Variants in L3MBTL2 observed in about 807,000 individuals in gnomAD.
L3MBTL2 encodes lethal(3)malignant brain tumor-like protein 2.
Under a neutral mutation model 86.4 loss-of-function variants are expected in L3MBTL2, and 49 were observed. That is an observed-to-expected ratio of 0.57 (90% CI 0.45 to 0.72). The LOEUF is 0.72. Among genes scored for constraint, L3MBTL2 ranks in the 30% least tolerant of loss-of-function variants. The pLI, the probability that L3MBTL2 is intolerant of heterozygous loss-of-function variation, is 0.00. For missense variants in L3MBTL2, 755 were observed against 923.7 expected (o/e 0.82, Z 2.37); for synonymous variants, 336 against 350.6 (o/e 0.96, Z 0.47).
chr22:41,215,234 C>A (rs973144896), intron 3 of L3MBTL2, among the ~76,000 whole-genome samples: 6 of 152,108 alleles, frequency 3.9e-5, no homozygotes, highest in Non-Finnish European at 7.3e-5. Flanking sequence ...GTAGATTTTA[C>A]TTAAGGCACC....
chr22:41,224,302 C>T lies in L3MBTL2; in HGVS notation c.1174+51C>T, dbSNP rs193012370. 35 of 1,472,826 alleles carry T rather than the reference C, an allele frequency of 2.4e-5. No homozygotes were observed. Among genetic ancestry groups the T allele is most frequent in the South Asian group, 1.4e-4 (12 of 84,372 alleles). 91.2% of individuals were successfully genotyped at this position (1,472,826 alleles called of 1,614,324 possible). ...ACTGCATGCTGTGCTTCCCCAGGGA[C>T]GGAGTGGGAGCACCTTCCTACTCGT... On this transcript the variant is annotated intron_variant, in intron 9 of 16. Transcript: ENST00000216237. The surrounding 1 kb of genome is among the most constrained non-coding windows in gnomAD (Gnocchi z 4.9).
At chr22:41,229,509 A>T in intron 15 of L3MBTL2, 31 bp from the exon 16 acceptor site, 1 of 1,599,606 alleles carries the variant, frequency 6.3e-7, no homozygotes, top group Non-Finnish European at 8.6e-7. Flanking sequence ...TACAACCCTA[A>T]TGCTGGGTTT....
chr22:41,225,686 G>T lies in L3MBTL2; in HGVS notation c.1357-108G>T. 1 of 1,209,872 alleles carries T rather than the reference G, an allele frequency of 8.3e-7. No individual in the cohort carries two copies. Among genetic ancestry groups the T allele is most frequent in the South Asian group, 1.5e-5 (1 of 65,550 alleles). The allele number at this position is 1,209,872 out of a possible 1,614,324, so 74.9% of individuals were successfully genotyped here. On this transcript the variant is annotated intron_variant, in intron 11 of 16. Transcript: ENST00000216237. The surrounding 1 kb of genome is among the most constrained non-coding windows in gnomAD (Gnocchi z 4.1). The stretch of plus-strand genomic sequence containing the variant: ...TGTCCTCCAGGAGGGCCATGCCCTA[G>T]ATCCGTTTGGATCCATTTGCCTCGT...
chr22:41,210,631 C>T (rs1315598432), intron 2 of L3MBTL2, among the ~76,000 whole-genome samples: 1 of 151,992 alleles, frequency 6.6e-6, no homozygotes, highest in Non-Finnish European at 1.5e-5. Context: ...GCCAGCCTAA[C>T]TTTTGTATTT....
At chr22:41,215,955 G>A (rs990357167) in intron 3 of L3MBTL2, among the ~76,000 whole-genome samples, 184 bp from the exon 4 acceptor site, 2 of 151,648 alleles carry the variant, frequency 1.3e-5, no homozygotes, top group Non-Finnish European at 2.9e-5. Context: ...CACCCCCGAC[G>A]CTTCCCCACA....
At position 41,230,327 on chromosome 22, in the gene L3MBTL2, C is replaced by A; in HGVS notation, c.*76C>A. The A allele has an allele frequency of 1.8e-6, 2 of 1,083,604 alleles. No homozygotes were observed. The highest frequency in any genetic ancestry group is 2.4e-5 in the East Asian group (1 of 42,112). 67.1% of individuals were successfully genotyped at this position (1,083,604 alleles called of 1,614,324 possible). Reference sequence around the variant, plus strand: ...TCTACCACCACCACCATGCCTCCACCTGACTTTGGCTTGGAGACTGATCCT... The same window carrying A: ...TCTACCACCACCACCATGCCTCCACATGACTTTGGCTTGGAGACTGATCCT... On this transcript the variant is annotated 3_prime_UTR_variant, in exon 17 of 17. Coordinates refer to ENST00000216237, the MANE Select transcript of L3MBTL2 (RefSeq NM_031488.5).
At position 41,229,587 on chromosome 22, in the gene L3MBTL2, A is replaced by G. The variant is rs774830983; in HGVS notation, c.1936A>G (p.Lys646Glu). ...TKTRPLRQGS[K>E]KPLLEDDPQG... ...GACGCGACCCCTCAGACAGGGGTCC[A>G]AGAAGCCCCTGCTGGAGGACGACCC... The change falls in exon 16 of 17, where the codon AAG (lysine) becomes GAG (glutamate). Residue 646 changes from lysine (K) to glutamate (E), a missense_variant. Lys to Glu is a moderately conservative substitution (Grantham distance 56, BLOSUM62 1). Coordinates refer to ENST00000216237, the MANE Select transcript of L3MBTL2 (RefSeq NM_031488.5). 1.2e-6 allele frequency: 2 copies of G among 1,613,668 alleles called. No homozygotes were observed. The highest frequency in any genetic ancestry group is 1.7e-6 in the Non-Finnish European group (2 of 1,179,666).
In L3MBTL2 at chr22:41,205,353, C is replaced by G. The variant is rs772431977; in HGVS notation, c.-10C>G. Reference sequence around the variant, plus strand: ...CTGCACCTGGTGACGCTTGGCGAAACTGAGGTCTCATGGAGAAGCCCCGGA... The same window carrying G: ...CTGCACCTGGTGACGCTTGGCGAAAGTGAGGTCTCATGGAGAAGCCCCGGA... On this transcript the variant is annotated 5_prime_UTR_variant, in exon 1 of 17. Coordinates refer to ENST00000216237, the MANE Select transcript of L3MBTL2 (RefSeq NM_031488.5). The G allele has an allele frequency of 6.2e-7, 1 of 1,614,210 alleles. No individual in the cohort carries two copies. Among genetic ancestry groups the G allele is most frequent in the East Asian group, 2.2e-5 (1 of 44,880 alleles).
intron 8 of L3MBTL2, among the ~76,000 whole-genome samples, chr22:41,223,116 G>A (rs1375451802): frequency 6.6e-6 from 1 of 152,194 alleles, no homozygotes; most frequent in African/African-American, 2.4e-5. Flanking sequence ...GTGTCAGGAC[G>A]TATCCCAAGC....
chr22:41,224,862 A>T lies in L3MBTL2; in HGVS notation c.1251+61A>T. 6.4e-7 allele frequency: 1 copy of T among 1,559,290 alleles called. No individual in the cohort carries two copies. Among genetic ancestry groups the T allele is most frequent in the Non-Finnish European group, 8.8e-7 (1 of 1,130,676 alleles). On this transcript the variant is annotated intron_variant, in intron 10 of 16. Transcript: ENST00000216237. This position sits in a 1 kb window ranked among gnomAD's most constrained non-coding sequence, Gnocchi z 4.9. ...CATGGGTCCATTCCGGGCCTGAGGG[A>T]CCTGGCTCTTCCCCTGGGACCATCC...
intron 1 of L3MBTL2, among the ~76,000 whole-genome samples, chr22:41,206,806 CAAAAAAA>C (rs137931070): frequency 8.7e-6 from 1 of 114,634 alleles, no homozygotes; most frequent in Non-Finnish European, 1.9e-5. Flanking sequence ...GACTGTGTCT[CAAAAAAA>C]AAAAAAAATT....
intron 1 of L3MBTL2, among the ~76,000 whole-genome samples, chr22:41,206,537 G>T (rs770554920): frequency 6.6e-6 from 1 of 151,450 alleles, no homozygotes; most frequent in East Asian, 2.0e-4. Flanking sequence ...GGTGGCTCAC[G>T]CCTGTAATCC....
At chr22:41,216,298 G>A (rs559679859) in intron 4 of L3MBTL2, 36 bp downstream of exon 4, 37 of 1,600,122 alleles carry the variant, frequency 2.3e-5, no homozygotes, top group Middle Eastern at 1.7e-4. Context: ...GGAAGCTGCC[G>A]TGGCTGGGGA....
chr22:41,220,957 C>A, intron 7 of L3MBTL2, 89 bp downstream of exon 7: 1 of 1,440,080 alleles, frequency 6.9e-7, no homozygotes, highest in Non-Finnish European at 9.5e-7. Context: ...GAATGGGAGT[C>A]CTCTGTCTTG....
Position 41,224,653 on chromosome 22 carries a change from G to A in L3MBTL2, c.1175-72G>A. The A allele has an allele frequency of 4.6e-6, 5 of 1,093,030 alleles. No homozygotes were observed. The highest frequency in any genetic ancestry group is 2.0e-4 in the Middle Eastern group (1 of 4,968). 67.7% of individuals were successfully genotyped at this position (1,093,030 alleles called of 1,614,324 possible). On this transcript the variant is annotated intron_variant, in intron 9 of 16. Coordinates refer to ENST00000216237, the MANE Select transcript of L3MBTL2 (RefSeq NM_031488.5). The surrounding 1 kb of genome is among the most constrained non-coding windows in gnomAD (Gnocchi z 4.9). ...GAGCAGCCCCACATTCCCAGGGGAG[G>A]CGTGTGGAGATGGCCCAGGAGCCGC...
intron 2 of L3MBTL2, among the ~76,000 whole-genome samples, chr22:41,212,739 T>TA (rs2030991894): frequency 6.8e-6 from 1 of 146,340 alleles, no homozygotes; most frequent in Non-Finnish European, 1.5e-5. Flanking sequence ...ACTAAAGATA[T>TA]AAAAAATTAG....
At chr22:41,230,078 C>G in intron 16 of L3MBTL2, 61 bp from the exon 17 acceptor site, 4 of 821,628 alleles carry the variant, frequency 4.9e-6, no homozygotes, top group East Asian at 2.7e-5. Context: ...CCAGCTCCTC[C>G]GCCCCCACCC....
At position 41,230,282 on chromosome 22, in the gene L3MBTL2, G is replaced by A; in HGVS notation, c.*31G>A. 2 of 1,524,362 alleles carry A rather than the reference G, an allele frequency of 1.3e-6. No individual in the cohort carries two copies. Among genetic ancestry groups the A allele is most frequent in the Non-Finnish European group, 1.8e-6 (2 of 1,099,194 alleles). 94.4% of individuals were successfully genotyped at this position (1,524,362 alleles called of 1,614,324 possible). A position where few individuals can be genotyped will look rare whatever the true frequency, so the allele number is the denominator to read the frequency against. ...CCTGCCTCCAGCCTGGCTTCTAGCT[G>A]GAAGCCAGCCCAGCGTTTCTCTACC... On this transcript the variant is annotated 3_prime_UTR_variant, in exon 17 of 17. Coordinates refer to ENST00000216237, the MANE Select transcript of L3MBTL2 (RefSeq NM_031488.5).
At chr22:41,206,334 G>A (rs555104545) in intron 1 of L3MBTL2, among the ~76,000 whole-genome samples, 2 of 151,726 alleles carry the variant, frequency 1.3e-5, no homozygotes, top group Non-Finnish European at 2.9e-5. Flanking sequence ...TTTAAGAGAC[G>A]GGGTGTTCCT....
Sources: allele counts gnomAD v4.1 joint callset (sites outside exome capture counted in the v4.1 genomes callset), GRCh38; gene constraint gnomAD v4.1.1; non-coding constraint Gnocchi (gnomAD v3.1); transcripts MANE v1.5; gene names NCBI Gene and HGNC (gene_info 2026-07-23, HGNC 2026-07-21).